NSUN3: variants seen among roughly 807,000 people sequenced by gnomAD.
The protein encoded by NSUN3 is NOP2/Sun RNA methyltransferase 3.
Under a neutral mutation model 36.8 loss-of-function variants are expected in NSUN3, and 24 were observed. The observed-to-expected ratio is 0.65, with a 90% CI of 0.47 to 0.92. NSUN3 has a LOEUF of 0.92. NSUN3 is among the 40% of genes least tolerant of loss of function. NSUN3 has a pLI of 0.00. For synonymous variants in NSUN3, 146 were observed against 145.2 expected, an observed-to-expected ratio of 1.01 and a Z score of -0.04; for missense variants, 381 against 392.8, an observed-to-expected ratio of 0.97 and a Z score of 0.25.
At chr3:94,107,984 T>TC (rs1244355281) in intron 5 of NSUN3, among the ~76,000 whole-genome samples, 2 of 149,952 alleles carry the variant, frequency 1.3e-5, no homozygotes, top group Non-Finnish European at 3.0e-5. Context: ...CTTTTTTTTT[T>TC]TTTTTTTCAG....
Position 94,063,075 on chromosome 3 carries a change from T to G in NSUN3, c.-52T>G. The G allele has an allele frequency of 6.2e-7, 1 of 1,612,320 alleles. No homozygotes were observed. The highest frequency in any genetic ancestry group is 8.5e-7 in the Non-Finnish European group (1 of 1,178,442). ...CTGTTTTTTTCAGTTCCCTGGAGGC[T>G]TTTTGATACTGATTCGCGTACACCT... On this transcript the variant is annotated 5_prime_UTR_variant, in exon 1 of 6. Transcript: ENST00000314622.
chr3:94,123,979 ATATG>A (rs1352653497), intron 5 of NSUN3, among the ~76,000 whole-genome samples: 2 of 151,994 alleles, frequency 1.3e-5, no homozygotes, highest in Admixed American at 6.6e-5. Flanking sequence ...ACCTGTACAT[ATATG>A]TATGTATGTA....
intron 5 of NSUN3, among the ~76,000 whole-genome samples, chr3:94,121,958 A>C (rs1195026120): frequency 1.3e-5 from 2 of 151,810 alleles, no homozygotes; most frequent in East Asian, 3.9e-4. Context: ...CAGCCTGGCC[A>C]ACATGGTGAA....
At chr3:94,072,867 A>C (rs1297577284) in intron 2 of NSUN3, among the ~76,000 whole-genome samples, 1 of 151,880 alleles carries the variant, frequency 6.6e-6, no homozygotes, top group Non-Finnish European at 1.5e-5. Context: ...GTTTTCTTAC[A>C]TAGGTATACC....
intron 2 of NSUN3, among the ~76,000 whole-genome samples, chr3:94,075,761 C>A (rs531223476): frequency 6.6e-6 from 1 of 151,900 alleles, no homozygotes; most frequent in South Asian, 2.1e-4. Flanking sequence ...TAGAAAACAC[C>A]CACTGTTTGG....
chr3:94,124,490 G>A (rs1289917513), intron 5 of NSUN3, among the ~76,000 whole-genome samples: 6 of 152,130 alleles, frequency 3.9e-5, no homozygotes, highest in Admixed American at 1.3e-4. Flanking sequence ...AGCAAGATTT[G>A]TTTTGTCTGA....
At chr3:94,120,334 G>A (rs1352253940) in intron 5 of NSUN3, among the ~76,000 whole-genome samples, 1 of 152,214 alleles carries the variant, frequency 6.6e-6, no homozygotes, top group East Asian at 1.9e-4. Flanking sequence ...ATAGTGTTAA[G>A]TACATTCACA....
At chr3:94,083,657 C>A (rs1182076469) in intron 2 of NSUN3, among the ~76,000 whole-genome samples, 2 of 152,170 alleles carry the variant, frequency 1.3e-5, no homozygotes, top group Admixed American at 1.3e-4. Context: ...GAGGTACTTT[C>A]AATTTCCCAT....
intron 3 of NSUN3, among the ~76,000 whole-genome samples, chr3:94,090,262 G>T (rs1180009732): frequency 6.6e-6 from 1 of 152,026 alleles, no homozygotes; most frequent in African/African-American, 2.4e-5. Flanking sequence ...TCTCAATGTA[G>T]TAAGTGTTAG....
At chr3:94,095,357 T>G (rs2077333348) in intron 5 of NSUN3, among the ~76,000 whole-genome samples, 1 of 152,098 alleles carries the variant, frequency 6.6e-6, no homozygotes, top group Non-Finnish European at 1.5e-5. Flanking sequence ...CCACCCCCAG[T>G]GATGTGTAGT....
intron 5 of NSUN3, among the ~76,000 whole-genome samples, chr3:94,105,510 A>C (rs2077385291): frequency 6.6e-6 from 1 of 152,054 alleles, no homozygotes; most frequent in Non-Finnish European, 1.5e-5. Flanking sequence ...CTTTAGGAAA[A>C]GATGGTCATT....
rs1044548161 is a variant in NSUN3, at chr3:94,128,603, A to T, written c.*2113A>T. On this transcript the variant is annotated 3_prime_UTR_variant, in exon 6 of 6. Coordinates refer to ENST00000314622, the MANE Select transcript of NSUN3 (RefSeq NM_022072.5). ...TGTGTGTATATATATATATATATAT[A>T]ATTTTATTAAAAGCAATTGCCCCAA... The T allele has an allele frequency of 6.8e-6, 1 of 147,102 alleles. No homozygotes were observed. Among genetic ancestry groups the T allele is most frequent in the Non-Finnish European group, 1.5e-5 (1 of 66,996 alleles). The allele number at this position is 147,102 out of a possible 1,614,324, so 9.1% of individuals were successfully genotyped here. A position where few individuals can be genotyped will look rare whatever the true frequency, so the allele number is the denominator to read the frequency against.
chr3:94,101,637 G>A (rs1274065879), intron 5 of NSUN3, among the ~76,000 whole-genome samples: 1 of 152,062 alleles, frequency 6.6e-6, no homozygotes. Context: ...AGAATGAGGG[G>A]CAAGGATAAA....
chr3:94,078,306 T>G (rs1483450440), intron 2 of NSUN3, among the ~76,000 whole-genome samples: 1 of 152,204 alleles, frequency 6.6e-6, no homozygotes, highest in Non-Finnish European at 1.5e-5. Context: ...TCTGAGAGAC[T>G]GTTTGTTATG....
chr3:94,101,086 G>A (rs2077364028), intron 5 of NSUN3, among the ~76,000 whole-genome samples: 1 of 151,818 alleles, frequency 6.6e-6, no homozygotes, highest in African/African-American at 2.4e-5. Context: ...CAATCTCCTG[G>A]GCTCAAGTGA....
intron 5 of NSUN3, among the ~76,000 whole-genome samples, chr3:94,114,879 C>T (rs926745396): frequency 2.0e-5 from 3 of 152,238 alleles, no homozygotes; most frequent in African/African-American, 7.2e-5. Context: ...TTTTCTGTCC[C>T]TACATTAATT....
chr3:94,066,030 T>A (rs2077203081), intron 2 of NSUN3, among the ~76,000 whole-genome samples: 1 of 151,376 alleles, frequency 6.6e-6, no homozygotes, highest in Admixed American at 6.6e-5. Context: ...CCTTGTTCTG[T>A]ACTGTCTCAT....
At chr3:94,078,502 C>A (rs1259565932) in intron 2 of NSUN3, among the ~76,000 whole-genome samples, 2 of 152,126 alleles carry the variant, frequency 1.3e-5, no homozygotes, top group Non-Finnish European at 2.9e-5. Context: ...TGTTAATTTT[C>A]TGTCTCATTG....
intron 5 of NSUN3, among the ~76,000 whole-genome samples, chr3:94,105,555 G>A (rs946574291): frequency 4.6e-5 from 7 of 151,980 alleles, no homozygotes; most frequent in Non-Finnish European, 8.8e-5. Context: ...GGACATTGGC[G>A]TTCAAACTCT....
Sources: allele counts gnomAD v4.1 joint callset (sites outside exome capture counted in the v4.1 genomes callset), GRCh38; gene constraint gnomAD v4.1.1; transcripts MANE v1.5; gene names NCBI Gene and HGNC (gene_info 2026-07-23, HGNC 2026-07-21).